HS3ST5: variants seen among roughly 807,000 people sequenced by gnomAD.
The protein encoded by HS3ST5 is heparan sulfate glucosamine 3-O-sulfotransferase 5.
Under a neutral mutation model 25.4 loss-of-function variants are expected in HS3ST5, and 10 were observed. The ratio of observed to expected loss-of-function variants is 0.39; its 90% confidence interval spans 0.24 to 0.67. The LOEUF (loss-of-function observed/expected upper bound fraction) is 0.67, where lower values mean the gene tolerates loss of function less well. Among genes scored for constraint, HS3ST5 ranks in the 30% least tolerant of loss-of-function variants. The pLI, the probability that HS3ST5 is intolerant of heterozygous loss-of-function variation, is 0.44. For synonymous variants in HS3ST5, 170 were observed against 162.4 expected (o/e 1.05, Z -0.36); for missense variants, 324 against 420.7 (o/e 0.77, Z 2.01).
In HS3ST5 at chr6:114,161,534, T is replaced by TAC. The variant is rs1376966958; in HGVS notation, c.-33+6816_-33+6817insGT. ...CTTCCTGAAGTTTTATATATATATA[T>TAC]ATATATATATATATATATATATATA... On this transcript the variant is annotated intron_variant, in intron 3 of 4. Coordinates refer to ENST00000312719, the MANE Select transcript of HS3ST5 (RefSeq NM_153612.4). Among the ~76,000 whole-genome samples, 141 of 44,882 alleles carry TAC rather than the reference T, an allele frequency of 3.1e-3. 2 individuals are homozygous for TAC. Among genetic ancestry groups the TAC allele is most frequent in the Non-Finnish European group, 4.5e-3 (104 of 23,288 alleles). 29.4% of individuals were successfully genotyped at this position (44,882 alleles called of 152,430 possible). A position where few individuals can be genotyped will look rare whatever the true frequency, so the allele number is the denominator to read the frequency against.
At chr6:114,246,541 C>T (rs1438307480) in intron 1 of HS3ST5, among the ~76,000 whole-genome samples, 1 of 152,174 alleles carries the variant, frequency 6.6e-6, no homozygotes, top group Non-Finnish European at 1.5e-5. Flanking sequence ...AGACAATAAG[C>T]TTGTCTGCCA....
intron 3 of HS3ST5, among the ~76,000 whole-genome samples, chr6:114,083,608 T>TC (rs1402422393): frequency 6.6e-6 from 1 of 152,248 alleles, no homozygotes; most frequent in East Asian, 1.9e-4. Flanking sequence ...TTTCACTTTT[T>TC]CCACTTTTAA....
At chr6:114,079,419 T>C (rs1167195638) in intron 3 of HS3ST5, among the ~76,000 whole-genome samples, 1 of 152,214 alleles carries the variant, frequency 6.6e-6, no homozygotes, top group Non-Finnish European at 1.5e-5. Flanking sequence ...AAGAAACCAT[T>C]TTCTTTGCTC....
At chr6:114,135,418 C>A (rs1777547263) in intron 3 of HS3ST5, among the ~76,000 whole-genome samples, 3 of 152,132 alleles carry the variant, frequency 2.0e-5, no homozygotes, top group African/African-American at 7.2e-5. Flanking sequence ...AGGGAAAAAA[C>A]CAAGAGGTAG....
intron 3 of HS3ST5, among the ~76,000 whole-genome samples, chr6:114,097,450 A>T (rs1417386337): frequency 6.6e-6 from 1 of 151,966 alleles, no homozygotes; most frequent in Non-Finnish European, 1.5e-5. Flanking sequence ...AGGGAAGGAA[A>T]TATTGGGTAT....
intron 1 of HS3ST5, among the ~76,000 whole-genome samples, chr6:114,279,632 A>G (rs1774015603): frequency 6.6e-6 from 1 of 151,954 alleles, no homozygotes. Flanking sequence ...TTGCTTCCTG[A>G]AAACCTCCTC....
chr6:114,250,884 T>G (rs1772629475), intron 1 of HS3ST5, among the ~76,000 whole-genome samples: 1 of 152,216 alleles, frequency 6.6e-6, no homozygotes, highest in Non-Finnish European at 1.5e-5. Context: ...ACTAAAAAGT[T>G]GAGTGTTTAG....
intron 1 of HS3ST5, among the ~76,000 whole-genome samples, chr6:114,294,698 G>GC (rs1378756180): frequency 6.6e-6 from 1 of 152,076 alleles, no homozygotes; most frequent in East Asian, 1.9e-4. Flanking sequence ...CTCCCAAAGT[G>GC]CTGGGATTCC....
chr6:114,336,193 C>G (rs529770970), intron 1 of HS3ST5, among the ~76,000 whole-genome samples: 2 of 152,168 alleles, frequency 1.3e-5, no homozygotes, highest in Non-Finnish European at 2.9e-5. Flanking sequence ...GTGATGACAG[C>G]AGTATCAATT....
chr6:114,124,508 A>G (rs1776942830), intron 3 of HS3ST5, among the ~76,000 whole-genome samples: 1 of 151,898 alleles, frequency 6.6e-6, no homozygotes, highest in African/African-American at 2.4e-5. Flanking sequence ...TTTTGTTTTT[A>G]TTTTTGCCTA....
chr6:114,278,002 C>A (rs1773936951), intron 1 of HS3ST5, among the ~76,000 whole-genome samples: 1 of 151,918 alleles, frequency 6.6e-6, no homozygotes, highest in South Asian at 2.1e-4. Flanking sequence ...TCATTACTTA[C>A]CTTTGATGAA....
chr6:114,227,655 G>A (rs1771365491), intron 2 of HS3ST5, among the ~76,000 whole-genome samples: 1 of 152,046 alleles, frequency 6.6e-6, no homozygotes, highest in Admixed American at 6.6e-5. Context: ...GTAATGGAAA[G>A]AGGTATTAAG....
In HS3ST5 at chr6:114,324,864, C is replaced by T. The variant is rs557403848; in HGVS notation, c.-339+17331G>A. Among the ~76,000 whole-genome samples the T allele has an allele frequency of 9.9e-5, 15 of 152,250 alleles. No homozygotes were observed. The South Asian group carries it at 2.7e-3, about 27-fold the overall frequency. On this transcript the variant is annotated intron_variant, in intron 1 of 4. Transcript: ENST00000312719. ...TTAAGGTTTCTAGTGATTCCAATTG[C>T]GGATAACGTGTCTCACTCCACTTAA...
At chr6:114,149,684 A>G (rs918549048) in intron 3 of HS3ST5, among the ~76,000 whole-genome samples, 2 of 152,142 alleles carry the variant, frequency 1.3e-5, no homozygotes, top group African/African-American at 4.8e-5. Context: ...CCACCATGGC[A>G]CATGTAACAA....
At chr6:114,085,126 A>G (rs893416032) in intron 3 of HS3ST5, among the ~76,000 whole-genome samples, 6 of 152,098 alleles carry the variant, frequency 3.9e-5, no homozygotes, top group Non-Finnish European at 2.9e-5. Flanking sequence ...ACTGTTTTAT[A>G]TTCCATGTCA....
At chr6:114,081,979 A>G (rs184697824) in intron 3 of HS3ST5, among the ~76,000 whole-genome samples, 1 of 152,176 alleles carries the variant, frequency 6.6e-6, no homozygotes, top group Non-Finnish European at 1.5e-5. Context: ...ATCATCCCCC[A>G]AAAAAACACT....
intron 3 of HS3ST5, among the ~76,000 whole-genome samples, chr6:114,146,590 C>A (rs529631006): frequency 6.6e-6 from 1 of 152,184 alleles, no homozygotes. Context: ...GGAGGCTGTT[C>A]CTAAGTGATA....
intron 3 of HS3ST5, among the ~76,000 whole-genome samples, chr6:114,117,760 G>A (rs1014974491): frequency 4.6e-5 from 7 of 152,140 alleles, no homozygotes; most frequent in Admixed American, 4.6e-4. Context: ...AATCCACAAC[G>A]TAGATTACTG....
chr6:114,267,621 A>G (rs1346021502), intron 1 of HS3ST5, among the ~76,000 whole-genome samples: 2 of 152,144 alleles, frequency 1.3e-5, no homozygotes, highest in South Asian at 2.1e-4. Context: ...TTTATAAGGT[A>G]GGGATTTTGA....
Sources: allele counts gnomAD v4.1 joint callset (sites outside exome capture counted in the v4.1 genomes callset), GRCh38; gene constraint gnomAD v4.1.1; transcripts MANE v1.5; gene names NCBI Gene and HGNC (gene_info 2026-07-23, HGNC 2026-07-21).